The following THADA variants were observed in gnomAD, a reference collection of about 807,000 sequenced individuals.
THADA encodes the protein THADA armadillo repeat containing.
In THADA, 213 loss-of-function variants were observed where a neutral mutation model predicts 219.8. The ratio of observed to expected loss-of-function variants is 0.97; its 90% CI spans 0.87 to 1.09. The LOEUF (loss-of-function observed/expected upper bound fraction) is 1.09, where lower values mean the gene tolerates loss of function less well. Among genes scored for constraint, THADA ranks in the 50% least tolerant of loss-of-function variants. The pLI is 0.00. For synonymous variants in THADA, 1,018 were observed against 828.9 expected, an observed-to-expected ratio of 1.23 and a Z score of -3.92; for missense variants, 2,956 against 2,311.3, an observed-to-expected ratio of 1.28 and a Z score of -5.72.
intron 24 of THADA, among the ~76,000 whole-genome samples, chr2:43,503,244 G>A (rs928163710): frequency 6.6e-6 from 1 of 152,138 alleles, no homozygotes; most frequent in Admixed American, 6.5e-5. Context: ...ACGTGTGTAA[G>A]GAGACACACA....
chr2:43,271,816 T>C (rs1313791394), intron 36 of THADA, among the ~76,000 whole-genome samples: 1 of 152,126 alleles, frequency 6.6e-6, no homozygotes, highest in Non-Finnish European at 1.5e-5. Flanking sequence ...GGTTTCACCA[T>C]GTTGGCCAGG....
rs755369479 is a variant in THADA at position 43,574,422 on chromosome 2, TAATC to T, written c.1639_1642del (p.Asp547IlefsTer7). 6.2e-6 allele frequency: 10 copies of T among 1,611,272 alleles called. No individual in the cohort carries two copies. Among genetic ancestry groups the T allele is most frequent in the South Asian group, 4.4e-5 (4 of 90,658 alleles). On this transcript the variant is annotated frameshift_variant, in exon 11 of 38. Coordinates refer to ENST00000405975, the MANE Select transcript of THADA (RefSeq NM_022065.5). LOFTEE classifies it high-confidence loss of function. ...GTAACTTAATAATTTTGGCAAGTAA[TAATC>T]AATCACGTAAGATTTTTGATCCAAG...
intron 31 of THADA, among the ~76,000 whole-genome samples, chr2:43,301,165 T>C (rs1676217876): frequency 6.6e-6 from 1 of 152,168 alleles, no homozygotes; most frequent in Non-Finnish European, 1.5e-5. Flanking sequence ...GGGCCAACTT[T>C]CACGCGGGTT....
intron 29 of THADA, among the ~76,000 whole-genome samples, chr2:43,387,153 C>A (rs1672790252): frequency 6.6e-6 from 1 of 152,174 alleles, no homozygotes; most frequent in South Asian, 2.1e-4. Flanking sequence ...CTGTACCTAG[C>A]AATTCATCAG....
chr2:43,414,395 G>C, intron 28 of THADA, among the ~76,000 whole-genome samples: 1 of 152,184 alleles, frequency 6.6e-6, no homozygotes, highest in East Asian at 1.9e-4. Context: ...CGTCTTCACA[G>C]AGATACATGT....
chr2:43,520,709 TATATACACACACACAC>T (rs1314340217), intron 22 of THADA, among the ~76,000 whole-genome samples: 2 of 126,328 alleles, frequency 1.6e-5, no homozygotes, highest in South Asian at 2.6e-4. Flanking sequence ...TACGTATATA[TATATACACACACACAC>T]ACACACACAC....
At chr2:43,500,903 A>G (rs1688870173) in intron 24 of THADA, among the ~76,000 whole-genome samples, 1 of 152,196 alleles carries the variant, frequency 6.6e-6, no homozygotes, top group African/African-American at 2.4e-5. Flanking sequence ...TATAACCCAA[A>G]AATTAACTGC....
rs183357200 is a variant in THADA at position 43,367,887 on chromosome 2, G to C, written c.4228-23650C>G. On this transcript the variant is annotated intron_variant, in intron 29 of 37. Coordinates refer to ENST00000405975, the MANE Select transcript of THADA (RefSeq NM_022065.5). The stretch of plus-strand genomic sequence containing the variant: ...TAATCCCAGCACTTCGGGAGGCCAA[G>C]GTGGGTGGATCACGAGGTCAAGAGA... 2.8e-4 allele frequency among the ~76,000 whole-genome samples: 43 copies of C among 152,314 alleles called. 1 individual carries two copies. The East Asian group carries it at 7.5e-3, about 27-fold the overall frequency.
intron 29 of THADA, among the ~76,000 whole-genome samples, chr2:43,378,546 C>CA (rs1671638959): frequency 6.6e-6 from 1 of 152,114 alleles, no homozygotes; most frequent in African/African-American, 2.4e-5. Context: ...AAAGGAATGA[C>CA]AATCAAACTG....
intron 36 of THADA, among the ~76,000 whole-genome samples, chr2:43,239,816 G>C (rs180672963): frequency 6.6e-6 from 1 of 152,144 alleles, no homozygotes; most frequent in Non-Finnish European, 1.5e-5. Flanking sequence ...ACTGGCCAAG[G>C]TGTTGGGTGG....
intron 26 of THADA, among the ~76,000 whole-genome samples, chr2:43,448,377 G>A (rs1169089909): frequency 1.3e-5 from 2 of 152,116 alleles, no homozygotes; most frequent in African/African-American, 2.4e-5. Context: ...GTGGGATGAG[G>A]ATCCCGTCCT....
chr2:43,286,306 T>C (rs1223530673), intron 35 of THADA, among the ~76,000 whole-genome samples: 1 of 152,152 alleles, frequency 6.6e-6, no homozygotes, highest in East Asian at 1.9e-4. Flanking sequence ...TAAAGGGTGT[T>C]TAGGCTTTAT....
At chr2:43,535,572 T>A (rs986913603) in intron 21 of THADA, among the ~76,000 whole-genome samples, 3 of 146,828 alleles carry the variant, frequency 2.0e-5, no homozygotes, top group African/African-American at 7.7e-5. Context: ...TCGAAGCTAC[T>A]TGGGAGGCTG....
At chr2:43,390,919 T>C (rs1255199721) in intron 29 of THADA, among the ~76,000 whole-genome samples, 2 of 152,168 alleles carry the variant, frequency 1.3e-5, no homozygotes, top group African/African-American at 4.8e-5. Context: ...CCTGACAATA[T>C]TCCTTTTCCT....
chr2:43,411,401 T>C (rs1676287683), intron 28 of THADA, among the ~76,000 whole-genome samples: 1 of 152,244 alleles, frequency 6.6e-6, no homozygotes, highest in African/African-American at 2.4e-5. Flanking sequence ...CCAAGTGATG[T>C]CAAATTTGTT....
At chr2:43,297,067 C>A (rs1340285824) in intron 31 of THADA, among the ~76,000 whole-genome samples, 2 of 106,122 alleles carry the variant, frequency 1.9e-5, no homozygotes, top group African/African-American at 8.8e-5. Context: ...CGTCTCCGCC[C>A]GGCCGCCATC....
intron 22 of THADA, among the ~76,000 whole-genome samples, chr2:43,518,133 G>T (rs761133682): frequency 6.6e-6 from 1 of 152,082 alleles, no homozygotes; most frequent in Admixed American, 6.6e-5. Context: ...ATTCCTTCCT[G>T]TTATTTCTCT....
chr2:43,473,552 A>G (rs1685164773), intron 26 of THADA, among the ~76,000 whole-genome samples: 2 of 152,214 alleles, frequency 1.3e-5, no homozygotes, highest in Non-Finnish European at 2.9e-5. Context: ...TAGTAAATAC[A>G]TAAACCAGTA....
At chr2:43,349,758 T>C (rs1197749092) in intron 29 of THADA, among the ~76,000 whole-genome samples, 1 of 152,210 alleles carries the variant, frequency 6.6e-6, no homozygotes, top group Non-Finnish European at 1.5e-5. Flanking sequence ...ATCGTAATCA[T>C]TAAAAACCTC....
Sources: allele counts gnomAD v4.1 joint callset (sites outside exome capture counted in the v4.1 genomes callset), GRCh38; gene constraint gnomAD v4.1.1; transcripts MANE v1.5; gene names NCBI Gene and HGNC (gene_info 2026-07-23, HGNC 2026-07-21).